The following C5 variants were observed in gnomAD, a reference collection of about 807,000 sequenced individuals.
C5 encodes C3 and PZP-like alpha-2-macroglobulin domain-containing protein 4.
In C5, 140 loss-of-function variants were observed where a neutral mutation model predicts 218.8. That is an observed-to-expected ratio of 0.64 (90% CI 0.56 to 0.74). The LOEUF is 0.74. Ranked by LOEUF, C5 falls within the 30% of genes least tolerant of loss-of-function variation. The pLI is 0.00. For synonymous variants in C5, 614 were observed against 682.3 expected (o/e 0.90, Z 1.56); for missense variants, 1,700 against 1,969.6 (o/e 0.86, Z 2.59).
chr9:121,058,330 T>C, the C5 span, among the ~76,000 whole-genome samples: 1 of 152,292 alleles, frequency 6.6e-6, no homozygotes, highest in East Asian at 1.9e-4. Flanking sequence ...GAAATTTCGA[T>C]TTGATTGTTT....
chr9:121,008,994 G>A (rs1369180845), intron 17 of C5, among the ~76,000 whole-genome samples: 2 of 151,888 alleles, frequency 1.3e-5, no homozygotes, highest in Admixed American at 6.6e-5. Flanking sequence ...AATAGCATTG[G>A]CAAAACAAAG....
the C5 span, among the ~76,000 whole-genome samples, chr9:121,061,391 A>G: frequency 6.6e-6 from 1 of 152,168 alleles, no homozygotes; most frequent in Non-Finnish European, 1.5e-5. Flanking sequence ...CCTACAAAAA[A>G]TACAAAAATT....
rs10985112 is a variant in C5, at chr9:120,969,130, G to A, written c.4163-12C>T. ...TCTGTAGTGGGATGCTGGCACATAAGACAAGAAAACAAACAGACAAATATA... is the reference window on the plus strand; with the variant it reads ...TCTGTAGTGGGATGCTGGCACATAAAACAAGAAAACAAACAGACAAATATA... On this transcript the variant is annotated splice_polypyrimidine_tract_variant and intron_variant, in intron 32 of 40. Transcript: ENST00000223642. 150,752 of 1,610,404 alleles carry A rather than the reference G, an allele frequency of 0.094. 13,325 individuals are homozygous for A. The highest frequency in any genetic ancestry group is 0.47 in the African/African-American group (34,977 of 74,754).
chr9:121,013,823 A>G (rs775073076), intron 17 of C5, 50 bp downstream of exon 17: 1 of 1,492,414 alleles, frequency 6.7e-7, no homozygotes, highest in Non-Finnish European at 9.3e-7. Context: ...ATAAAATTAC[A>G]CAAAATTCCC....
In C5 at chr9:120,966,707, G is replaced by A. The variant is rs73532981; in HGVS notation, c.4220+2354C>T. Among the ~76,000 whole-genome samples, 1,201 of 152,284 alleles carry A rather than the reference G, an allele frequency of 7.9e-3. 17 individuals are homozygous for A. The highest frequency in any genetic ancestry group is 0.024 in the East Asian group (124 of 5,180). On this transcript the variant is annotated intron_variant, in intron 33 of 40. Coordinates refer to ENST00000223642, the MANE Select transcript of C5 (RefSeq NM_001735.3). The stretch of plus-strand genomic sequence containing the variant: ...GGAAAGAAGCTGCCTGGGAAAGGGC[G>A]ACCTTACTGGAAAGACATTAGGGAA...
chr9:120,954,513 G>A (rs1028193334), intron 39 of C5, among the ~76,000 whole-genome samples: 14 of 152,288 alleles, frequency 9.2e-5, no homozygotes, highest in African/African-American at 3.1e-4. Flanking sequence ...ACAGTATCCA[G>A]TAAAATATTC....
In C5 at chr9:120,952,727, A is replaced by G. The variant is rs2046753445; in HGVS notation, c.*12T>C. The G allele has an allele frequency of 1.2e-6, 2 of 1,611,692 alleles. No homozygotes were observed. The highest frequency in any genetic ancestry group is 1.7e-5 in the Admixed American group (1 of 59,978). On this transcript the variant is annotated 3_prime_UTR_variant, in exon 41 of 41. Transcript: ENST00000223642. ...ATAAGTGCAAACTGTATGCAGCTGA[A>G]CTTCAGGAATTTTAGCATCCATTTA...
chr9:121,071,723 A>T, the C5 span, among the ~76,000 whole-genome samples: 1 of 152,200 alleles, frequency 6.6e-6, no homozygotes, highest in African/African-American at 2.4e-5. Context: ...CCAGTCACAG[A>T]AAGAAATGGC....
chr9:120,958,689 TGGA>T (rs2046804349), intron 38 of C5, among the ~76,000 whole-genome samples: 1 of 152,220 alleles, frequency 6.6e-6, no homozygotes, highest in African/African-American at 2.4e-5. Flanking sequence ...GAAAAAATAC[TGGA>T]GATCAGGATG....
At chr9:121,014,516 G>C (rs1489700130) in intron 16 of C5, among the ~76,000 whole-genome samples, 3 of 152,044 alleles carry the variant, frequency 2.0e-5, no homozygotes, top group Non-Finnish European at 4.4e-5. Flanking sequence ...ATATAACATG[G>C]TTTGTGGACT....
chr9:121,017,583 C>T, intron 13 of C5, 60 bp downstream of exon 13: 2 of 1,603,276 alleles, frequency 1.2e-6, no homozygotes, highest in Non-Finnish European at 1.7e-6. Context: ...GCAGCTAAAA[C>T]TTTGGCAGCC....
At chr9:121,018,404 G>A (rs917839372) in intron 12 of C5, among the ~76,000 whole-genome samples, 2 of 151,298 alleles carry the variant, frequency 1.3e-5, no homozygotes, top group African/African-American at 4.9e-5. Context: ...TGAAACCCTG[G>A]CTCTACTAAA....
At chr9:121,050,351 C>T, upstream of C5, 2 of 972,016 alleles carry the variant, frequency 2.1e-6, no homozygotes, top group Non-Finnish European at 3.3e-6. Context: ...TTATTAATGT[C>T]AGAAAGGTGA....
At chr9:121,055,659 C>T in the C5 span, among the ~76,000 whole-genome samples, 468 of 152,304 alleles carry the variant, frequency 3.1e-3, 1 homozygote, top group African/African-American at 0.011. Context: ...CCGGTTGGTA[C>T]GGACTTGGTC....
intron 18 of C5, among the ~76,000 whole-genome samples, chr9:121,008,024 T>C (rs2047230114): frequency 6.6e-6 from 1 of 152,192 alleles, no homozygotes; most frequent in Non-Finnish European, 1.5e-5. Flanking sequence ...CCTTAAAATG[T>C]GTTGAATAGA....
At chr9:121,067,521 G>A in the C5 span, among the ~76,000 whole-genome samples, 14 of 150,564 alleles carry the variant, frequency 9.3e-5, no homozygotes, top group African/African-American at 2.0e-4. Context: ...CCGAGATCGC[G>A]CCACTGCATT....
intron 5 of C5, 147 bp downstream of exon 5, chr9:121,034,656 C>A: frequency 1.7e-6 from 1 of 594,712 alleles, no homozygotes; most frequent in Admixed American, 3.1e-5. Context: ...AAGAACAGAG[C>A]TTAAGTTCTT....
At chr9:120,955,704 TA>T (rs1025658853) in intron 39 of C5, among the ~76,000 whole-genome samples, 3 of 151,678 alleles carry the variant, frequency 2.0e-5, no homozygotes, top group Admixed American at 6.6e-5. Flanking sequence ...AACAAAAATT[TA>T]AAAAAAATTA....
At position 120,952,721 on chromosome 9, in the gene C5, A is replaced by G. The variant is rs1054886026; in HGVS notation, c.*18T>C. 3 of 1,611,296 alleles carry G rather than the reference A, an allele frequency of 1.9e-6. No individual in the cohort carries two copies. In the Admixed American group the frequency reaches 5.0e-5, roughly 27 times the overall value. The stretch of plus-strand genomic sequence containing the variant: ...GAGTCCATAAGTGCAAACTGTATGC[A>G]GCTGAACTTCAGGAATTTTAGCATC... On this transcript the variant is annotated 3_prime_UTR_variant, in exon 41 of 41. Coordinates refer to ENST00000223642, the MANE Select transcript of C5 (RefSeq NM_001735.3).
Sources: allele counts gnomAD v4.1 joint callset (sites outside exome capture counted in the v4.1 genomes callset), GRCh38; gene constraint gnomAD v4.1.1; transcripts MANE v1.5; gene names NCBI Gene and HGNC (gene_info 2026-07-23, HGNC 2026-07-21).